Variants in GAD2 observed in about 807,000 individuals in gnomAD.
The protein encoded by GAD2 is glutamate decarboxylase 2, also known as 65 kDa glutamic acid decarboxylase.
A neutral mutation model predicts 80.1 loss-of-function variants in GAD2; 22 were observed. The ratio of observed to expected loss-of-function variants is 0.27; its 90% CI spans 0.20 to 0.39. GAD2 has a LOEUF of 0.39. Ranked by LOEUF, GAD2 falls within the 10% of genes least tolerant of loss-of-function variation. The pLI, the probability that GAD2 is intolerant of heterozygous loss-of-function variation, is 1.00. For synonymous variants in GAD2, 274 were observed against 256.9 expected, an observed-to-expected ratio of 1.07 and a Z score of -0.64; for missense variants, 624 against 738.4, an observed-to-expected ratio of 0.85 and a Z score of 1.80.
intron 8 of GAD2, among the ~76,000 whole-genome samples, chr10:26,255,196 A>C (rs1017780842): frequency 6.6e-6 from 1 of 152,208 alleles, no homozygotes; most frequent in African/African-American, 2.4e-5. Flanking sequence ...TTGTCAGAGA[A>C]TCAGAAACCG....
At chr10:26,298,677 A>G (rs1408171868) in intron 15 of GAD2, among the ~76,000 whole-genome samples, 3 of 152,220 alleles carry the variant, frequency 2.0e-5, no homozygotes, top group African/African-American at 7.2e-5. Context: ...TATCAGTTCT[A>G]AAGGGCAAGC....
chr10:26,273,098 G>A (rs1045284744), intron 10 of GAD2, among the ~76,000 whole-genome samples: 9 of 152,066 alleles, frequency 5.9e-5, no homozygotes, highest in East Asian at 5.8e-4. Flanking sequence ...TTGTTAAGAC[G>A]TGTTCTAACT....
chr10:26,246,948 A>G (rs1025437770), intron 8 of GAD2, among the ~76,000 whole-genome samples: 2 of 152,202 alleles, frequency 1.3e-5, no homozygotes, highest in African/African-American at 4.8e-5. Flanking sequence ...GTTACAGAAG[A>G]TTGAATACCA....
At chr10:26,287,659 T>C (rs1228316452) in intron 13 of GAD2, among the ~76,000 whole-genome samples, 2 of 152,190 alleles carry the variant, frequency 1.3e-5, no homozygotes, top group Non-Finnish European at 2.9e-5. Flanking sequence ...TTGAGCAAGG[T>C]TGCCATTTTT....
At chr10:26,290,206 G>A (rs571687088) in intron 13 of GAD2, among the ~76,000 whole-genome samples, 10 of 152,188 alleles carry the variant, frequency 6.6e-5, no homozygotes, top group Non-Finnish European at 8.8e-5. Flanking sequence ...ATCTATTATC[G>A]TGTCTAGTAC....
chr10:26,242,133 C>T (rs973667567), intron 7 of GAD2, among the ~76,000 whole-genome samples: 2 of 152,034 alleles, frequency 1.3e-5, no homozygotes, highest in African/African-American at 4.8e-5. Context: ...CTACAGGCAC[C>T]CGCCACCATG....
chr10:26,223,255 T>C (rs2132271722), intron 4 of GAD2, among the ~76,000 whole-genome samples: 1 of 152,346 alleles, frequency 6.6e-6, no homozygotes. Context: ...AAAGAAGAAT[T>C]GACAAGAATT....
At chr10:26,295,625 A>T (rs904446804) in intron 15 of GAD2, among the ~76,000 whole-genome samples, 5 of 152,124 alleles carry the variant, frequency 3.3e-5, no homozygotes, top group African/African-American at 1.2e-4. Flanking sequence ...GTGGCTATTC[A>T]TATTTAAATT....
chr10:26,283,531 C>T (rs1335345603), intron 12 of GAD2, among the ~76,000 whole-genome samples: 2 of 152,168 alleles, frequency 1.3e-5, no homozygotes, highest in Non-Finnish European at 2.9e-5. Flanking sequence ...AAAAATGCCA[C>T]ACAAAATACA....
chr10:26,270,885 T>C, intron 10 of GAD2, 129 bp downstream of exon 10: 1 of 730,602 alleles, frequency 1.4e-6, no homozygotes, highest in Non-Finnish European at 2.4e-6. Flanking sequence ...TATTAAAGCT[T>C]TTAAAGCTGG....
At chr10:26,265,346 A>T (rs1845059368) in intron 8 of GAD2, among the ~76,000 whole-genome samples, 1 of 152,000 alleles carries the variant, frequency 6.6e-6, no homozygotes, top group African/African-American at 2.4e-5. Context: ...CTGGGACTAT[A>T]GGTGTGCACC....
At chr10:26,226,591 G>A (rs1438605298) in intron 6 of GAD2, among the ~76,000 whole-genome samples, 4 of 152,212 alleles carry the variant, frequency 2.6e-5, no homozygotes, top group African/African-American at 9.7e-5. Context: ...ATTCCCGGGA[G>A]CAACCAGCCT....
At chr10:26,278,114 G>A (rs371956522) in intron 11 of GAD2, among the ~76,000 whole-genome samples, 31 of 152,292 alleles carry the variant, frequency 2.0e-4, no homozygotes, top group African/African-American at 7.5e-4. Context: ...TTCAGTGACA[G>A]GTAGTTGGGG....
At position 26,229,619 on chromosome 10, in the gene GAD2, G is replaced by T. The variant is rs1451560214; in HGVS notation, c.725-43G>T. 6 of 1,373,852 alleles carry T rather than the reference G, an allele frequency of 4.4e-6. No homozygotes were observed. In the African/African-American group the frequency reaches 7.1e-5, roughly 16 times the overall value. 85.1% of individuals were successfully genotyped at this position (1,373,852 alleles called of 1,614,324 possible). ...GAATGTTGCTTGCATGTGAAATGAG[G>T]TTGATAATAAATAAAGTAACTGCGT... On this transcript the variant is annotated intron_variant, in intron 6 of 15. Transcript: ENST00000376261.
At chr10:26,277,337 C>T (rs960954163) in intron 11 of GAD2, among the ~76,000 whole-genome samples, 4 of 152,218 alleles carry the variant, frequency 2.6e-5, no homozygotes, top group Admixed American at 2.6e-4. Context: ...CCCGCAGAGC[C>T]AGGTCAGAAT....
Position 26,286,411 on chromosome 10 carries a change from C to T in GAD2, c.1303C>T (p.Leu435=), listed in dbSNP as rs200162012. The part of the protein sequence containing the change: ...YLFQQDKHYD[L]SYDTGDKALQ... ...CTTTCAGCAAGATAAACATTATGAC[C>T]TGTCCTATGACACTGGAGACAAGGC... is the stretch of plus-strand genomic sequence containing the variant. The change falls in exon 13 of 16, where the codon CTG becomes TTG. Residue 435 remains leucine, a synonymous_variant. Transcript: ENST00000376261. 10 of 1,613,840 alleles carry T rather than the reference C, an allele frequency of 6.2e-6. No homozygotes were observed. In the Admixed American group the frequency reaches 1.2e-4, roughly 19 times the overall value.
intron 6 of GAD2, among the ~76,000 whole-genome samples, chr10:26,227,825 G>A (rs1408109563): frequency 6.6e-6 from 1 of 152,202 alleles, no homozygotes; most frequent in African/African-American, 2.4e-5. Flanking sequence ...CTTTCACACC[G>A]GGTGTCTGCT....
intron 12 of GAD2, among the ~76,000 whole-genome samples, chr10:26,285,071 T>A (rs753184004): frequency 3.3e-5 from 5 of 152,166 alleles, no homozygotes; most frequent in Admixed American, 6.5e-5. Context: ...GTGTTGCAAA[T>A]TTTCACCTTA....
intron 8 of GAD2, among the ~76,000 whole-genome samples, chr10:26,268,736 C>T (rs1192426597): frequency 2.0e-5 from 3 of 152,120 alleles, no homozygotes; most frequent in Non-Finnish European, 4.4e-5. Flanking sequence ...AATTGCAGGT[C>T]GGTTTATTCA....
Sources: gnomAD v4.1 joint callset for allele counts (sites outside exome capture counted in the v4.1 genomes callset) on GRCh38, gnomAD v4.1.1 for gene constraint, MANE v1.5 for transcripts, NCBI Gene and HGNC (gene_info 2026-07-23, HGNC 2026-07-21) for gene names.